THSD7B: variants seen among roughly 807,000 people sequenced by gnomAD.
THSD7B encodes thrombospondin type-1 domain-containing protein 7B.
A neutral mutation model predicts 213.6 loss-of-function variants in THSD7B; 138 were observed. The ratio of observed to expected loss-of-function variants is 0.65; its 90% CI spans 0.56 to 0.74. THSD7B has a LOEUF of 0.74. THSD7B is among the 30% of genes least tolerant of loss of function. The pLI is 0.00. For missense variants in THSD7B, 1,931 were observed against 1,991.5 expected, an observed-to-expected ratio of 0.97 and a Z score of 0.58; for synonymous variants, 742 against 687.0, an observed-to-expected ratio of 1.08 and a Z score of -1.25.
rs898052497 is a variant in THSD7B at position 137,332,421 on chromosome 2, C to T, written c.2500+56395C>T. Among the ~76,000 whole-genome samples the T allele has an allele frequency of 4.6e-5, 7 of 152,260 alleles. No homozygotes were observed. The East Asian group carries it at 7.7e-4, about 17-fold the overall frequency. Reference sequence around the variant, plus strand: ...TTACTCAAAGCCTGTACCTGCATTGCGTCTAGGAAGTAACTAATTGGCTTT... The same window carrying T: ...TTACTCAAAGCCTGTACCTGCATTGTGTCTAGGAAGTAACTAATTGGCTTT... On this transcript the variant is annotated intron_variant, in intron 12 of 27. Transcript: ENST00000409968.
intron 12 of THSD7B, among the ~76,000 whole-genome samples, chr2:137,395,145 AC>A (rs1193503972): frequency 7.6e-5 from 11 of 144,262 alleles, no homozygotes; most frequent in African/African-American, 2.8e-4. Flanking sequence ...CTAATTGAAT[AC>A]CCTTTATTTC....
intron 20 of THSD7B, among the ~76,000 whole-genome samples, chr2:137,637,845 A>G (rs1231849878): frequency 6.6e-6 from 1 of 152,206 alleles, no homozygotes; most frequent in Non-Finnish European, 1.5e-5. Flanking sequence ...GATAAAGGTG[A>G]CACCACATTG....
chr2:137,527,596 C>A (rs1573686403), intron 15 of THSD7B, among the ~76,000 whole-genome samples: 1 of 151,838 alleles, frequency 6.6e-6, no homozygotes, highest in South Asian at 2.1e-4. Flanking sequence ...TCATGTGTCC[C>A]TCATTTGAAG....
chr2:137,341,872 G>A (rs956680445), intron 12 of THSD7B, among the ~76,000 whole-genome samples: 5 of 151,426 alleles, frequency 3.3e-5, no homozygotes, highest in African/African-American at 1.2e-4. Flanking sequence ...AATTACTATA[G>A]CTCCATAGTA....
chr2:137,624,025 A>G (rs1682573271), intron 20 of THSD7B, among the ~76,000 whole-genome samples: 1 of 152,246 alleles, frequency 6.6e-6, no homozygotes, highest in Non-Finnish European at 1.5e-5. Flanking sequence ...TGCCAAGACA[A>G]TCCTAAGCCA....
chr2:137,025,465 C>T (rs1459497266), intron 2 of THSD7B, among the ~76,000 whole-genome samples: 3 of 152,060 alleles, frequency 2.0e-5, no homozygotes, highest in East Asian at 3.9e-4. Flanking sequence ...GTGTGGATGT[C>T]GATTATTTAG....
At chr2:137,618,889 C>T (rs1008941824) in intron 19 of THSD7B, among the ~76,000 whole-genome samples, 3 of 152,102 alleles carry the variant, frequency 2.0e-5, no homozygotes, top group Non-Finnish European at 4.4e-5. Flanking sequence ...GCATAGAAGA[C>T]GAACATGGAC....
At chr2:137,560,146 T>A (rs1352260385) in intron 15 of THSD7B, among the ~76,000 whole-genome samples, 1 of 150,120 alleles carries the variant, frequency 6.7e-6, no homozygotes, top group Non-Finnish European at 1.5e-5. Context: ...TATGGAAGAC[T>A]GTGTGGCGAT....
intron 2 of THSD7B, among the ~76,000 whole-genome samples, chr2:136,974,659 T>C (rs1685451855): frequency 6.6e-6 from 1 of 152,238 alleles, no homozygotes; most frequent in South Asian, 2.1e-4. Context: ...ACAGTGAACA[T>C]ACATGTGCAT....
chr2:137,124,867 A>G (rs1558929781), intron 5 of THSD7B, among the ~76,000 whole-genome samples: 3 of 152,216 alleles, frequency 2.0e-5, no homozygotes, highest in Non-Finnish European at 4.4e-5. Context: ...TGTGGTGAGA[A>G]CACTTAAAGT....
chr2:137,646,650 T>TTAATAATAATAATAATAATAATAA (rs147054450), intron 21 of THSD7B, among the ~76,000 whole-genome samples: 5 of 130,204 alleles, frequency 3.8e-5, no homozygotes, highest in Admixed American at 7.6e-5. Flanking sequence ...ACACTCCATC[T>TTAATAATAATAATAATAATAATAA]TAATAATAAT....
At chr2:137,026,925 C>T (rs372954533) in intron 2 of THSD7B, among the ~76,000 whole-genome samples, 1 of 152,156 alleles carries the variant, frequency 6.6e-6, no homozygotes, top group Non-Finnish European at 1.5e-5. Flanking sequence ...TTGGAAAAGG[C>T]AGCAGCCATA....
intron 5 of THSD7B, among the ~76,000 whole-genome samples, chr2:137,129,844 G>A (rs576507721): frequency 1.9e-4 from 29 of 152,174 alleles, no homozygotes; most frequent in Non-Finnish European, 2.8e-4. Context: ...GTTGGGTGGC[G>A]GGGTCCTAAC....
At chr2:137,513,221 G>A (rs1489986196) in intron 15 of THSD7B, among the ~76,000 whole-genome samples, 1 of 152,198 alleles carries the variant, frequency 6.6e-6, no homozygotes, top group African/African-American at 2.4e-5. Flanking sequence ...ATAAAAAGCA[G>A]TAGGTTACAT....
intron 1 of THSD7B, among the ~76,000 whole-genome samples, chr2:136,773,287 T>C (rs935966271): frequency 6.6e-6 from 1 of 152,082 alleles, no homozygotes; most frequent in African/African-American, 2.4e-5. Flanking sequence ...TGAGGTTGAT[T>C]GTATTATTAT....
At chr2:136,841,775 G>T in intron 1 of THSD7B, among the ~76,000 whole-genome samples, 1 of 152,114 alleles carries the variant, frequency 6.6e-6, no homozygotes, top group Non-Finnish European at 1.5e-5. Context: ...ATACACAGCT[G>T]GGTGTATCTT....
chr2:136,901,627 C>G (rs1226577445), intron 2 of THSD7B, among the ~76,000 whole-genome samples: 3 of 152,146 alleles, frequency 2.0e-5, no homozygotes, highest in Non-Finnish European at 2.9e-5. Context: ...GACATTAGCT[C>G]TTTAAGTTCT....
intron 1 of THSD7B, among the ~76,000 whole-genome samples, chr2:136,876,944 T>C (rs1683534655): frequency 6.6e-6 from 1 of 152,174 alleles, no homozygotes; most frequent in South Asian, 2.1e-4. Context: ...CCAGCTCTGC[T>C]GTAGCTGCAG....
At chr2:137,252,915 T>TTA (rs1428619817) in intron 10 of THSD7B, among the ~76,000 whole-genome samples, 2 of 147,116 alleles carry the variant, frequency 1.4e-5, no homozygotes, top group Non-Finnish European at 3.0e-5. Flanking sequence ...GGCTTGCTTT[T>TTA]TTTTTTTTTT....
Sources: allele counts gnomAD v4.1 joint callset (sites outside exome capture counted in the v4.1 genomes callset), GRCh38; gene constraint gnomAD v4.1.1; transcripts MANE v1.5; gene names NCBI Gene and HGNC (gene_info 2026-07-23, HGNC 2026-07-21).